Variants in BLOC1S5 observed in about 807,000 individuals in gnomAD.
The protein encoded by BLOC1S5 is biogenesis of lysosomal organelles complex 1 subunit 5, also known as biogenesis of lysosome-related organelles complex 1 subunit 5.
A neutral mutation model predicts 24.3 loss-of-function variants in BLOC1S5; 27 were observed. The observed-to-expected ratio is 1.11, with a 90% CI of 0.82 to 1.53. The LOEUF (loss-of-function observed/expected upper bound fraction) is 1.53, where lower values mean the gene tolerates loss of function less well. Ranked by LOEUF, BLOC1S5 falls within the 40% of genes most tolerant of loss-of-function variation. BLOC1S5 has a pLI of 0.00. For missense variants in BLOC1S5, 239 were observed against 229.4 expected (o/e 1.04, Z -0.27); for synonymous variants, 84 against 74.5 (o/e 1.13, Z -0.66).
chr6:8,042,321 A>T (rs1763721079), intron 2 of BLOC1S5, among the ~76,000 whole-genome samples: 2 of 152,244 alleles, frequency 1.3e-5, no homozygotes, highest in African/African-American at 4.8e-5. Flanking sequence ...CAAAATAAAA[A>T]TGGGTAGTAA....
chr6:8,031,191 C>T (rs1763283690), intron 3 of BLOC1S5, among the ~76,000 whole-genome samples: 1 of 152,150 alleles, frequency 6.6e-6, no homozygotes, highest in Non-Finnish European at 1.5e-5. Flanking sequence ...GTAAAATTGT[C>T]ACTAGTCACT....
chr6:8,017,441 C>T (rs1762783318), intron 4 of BLOC1S5, among the ~76,000 whole-genome samples: 1 of 151,936 alleles, frequency 6.6e-6, no homozygotes, highest in Non-Finnish European at 1.5e-5. Flanking sequence ...TTAATTTTGG[C>T]ATGTTAATTC....
intron 4 of BLOC1S5, among the ~76,000 whole-genome samples, chr6:8,024,282 T>C (rs1394457306): frequency 1.3e-5 from 2 of 151,922 alleles, no homozygotes; most frequent in African/African-American, 4.8e-5. Context: ...TCCCAGCACT[T>C]TGGGAGGCCG....
At chr6:8,039,497 A>G (rs79800185) in intron 3 of BLOC1S5, among the ~76,000 whole-genome samples, 5,947 of 152,278 alleles carry the variant, frequency 0.039, 369 homozygotes, top group African/African-American at 0.13. Context: ...GAATATGTGA[A>G]TTACACTAAT....
intron 4 of BLOC1S5, among the ~76,000 whole-genome samples, chr6:8,017,618 T>C (rs915084345): frequency 2.0e-5 from 3 of 152,206 alleles, no homozygotes; most frequent in Non-Finnish European, 4.4e-5. Context: ...ACAAACAGGA[T>C]GAAGGGCTGA....
At chr6:8,064,400 G>A (rs1422514109), upstream of BLOC1S5, 2 of 1,591,710 alleles carry the variant, frequency 1.3e-6, no homozygotes, top group Non-Finnish European at 1.7e-6. Flanking sequence ...GCCCACCCGC[G>A]GCCACGCTGC....
chr6:8,021,467 C>T (rs1007412821), intron 4 of BLOC1S5, among the ~76,000 whole-genome samples: 1 of 152,026 alleles, frequency 6.6e-6, no homozygotes, highest in African/African-American at 2.4e-5. Flanking sequence ...GGCATGATGG[C>T]GGGCACCTGT....
chr6:8,031,213 C>T (rs960767097), intron 3 of BLOC1S5, among the ~76,000 whole-genome samples: 4 of 152,078 alleles, frequency 2.6e-5, no homozygotes, highest in Non-Finnish European at 5.9e-5. Flanking sequence ...ATGATATTAT[C>T]GTATACCTAA....
At chr6:8,054,068 A>C (rs1764228521) in intron 2 of BLOC1S5, among the ~76,000 whole-genome samples, 1 of 152,194 alleles carries the variant, frequency 6.6e-6, no homozygotes. Flanking sequence ...TTATATGATA[A>C]CTTTGTATAT....
chr6:8,037,001 C>T (rs1027688616), intron 3 of BLOC1S5, among the ~76,000 whole-genome samples: 2 of 152,102 alleles, frequency 1.3e-5, no homozygotes, highest in African/African-American at 4.8e-5. Flanking sequence ...CTCAAAATAG[C>T]TGTGGGCAAA....
chr6:8,041,301 G>A (rs1763672595), intron 2 of BLOC1S5, 33 bp from the exon 3 acceptor site: 4 of 1,267,238 alleles, frequency 3.2e-6, no homozygotes, highest in Non-Finnish European at 4.3e-6. Flanking sequence ...TAATAAATAT[G>A]GTGTCTTTTC....
intron 1 of BLOC1S5, among the ~76,000 whole-genome samples, chr6:8,063,807 T>G (rs1315544633): frequency 1.3e-5 from 2 of 152,158 alleles, no homozygotes; most frequent in Non-Finnish European, 1.5e-5. Context: ...TTTACAGTGC[T>G]ATAGAGCGCC....
At chr6:8,026,282 G>A in intron 4 of BLOC1S5, 85 bp downstream of exon 4, 1 of 1,132,114 alleles carries the variant, frequency 8.8e-7, no homozygotes, top group Non-Finnish European at 1.3e-6. Context: ...TGCATTCAGA[G>A]AATTTTCTGA....
chr6:8,062,257 T>C (rs1764538396), intron 2 of BLOC1S5, among the ~76,000 whole-genome samples: 1 of 152,106 alleles, frequency 6.6e-6, no homozygotes, highest in Admixed American at 6.6e-5. Flanking sequence ...AAATCCCTTT[T>C]TTTCCCCCAC....
At chr6:8,021,282 A>G (rs1373831017) in intron 4 of BLOC1S5, among the ~76,000 whole-genome samples, 1 of 152,174 alleles carries the variant, frequency 6.6e-6, no homozygotes, top group Non-Finnish European at 1.5e-5. Flanking sequence ...TACTGGGTAC[A>G]GAGTTTCAGT....
chr6:8,040,683 C>G (rs1409444522), intron 3 of BLOC1S5, among the ~76,000 whole-genome samples: 1 of 152,050 alleles, frequency 6.6e-6, no homozygotes, highest in Non-Finnish European at 1.5e-5. Flanking sequence ...TGGTGAAACC[C>G]CATCTCTACT....
At chr6:8,049,234 G>T (rs991484462) in intron 2 of BLOC1S5, among the ~76,000 whole-genome samples, 3 of 151,990 alleles carry the variant, frequency 2.0e-5, no homozygotes, top group Non-Finnish European at 4.4e-5. Context: ...AGCCGGGCGT[G>T]GTGGCAGGCA....
intron 3 of BLOC1S5, among the ~76,000 whole-genome samples, chr6:8,037,885 G>C (rs1366392222): frequency 1.3e-5 from 2 of 152,130 alleles, no homozygotes; most frequent in Non-Finnish European, 2.9e-5. Context: ...GAAAGGACAG[G>C]CTCTTCGATA....
At chr6:8,057,487 T>C (rs1764355928) in intron 2 of BLOC1S5, among the ~76,000 whole-genome samples, 1 of 152,252 alleles carries the variant, frequency 6.6e-6, no homozygotes, top group Non-Finnish European at 1.5e-5. Context: ...GCTTGGTTTC[T>C]GATGTAATCT....
Sources: gnomAD v4.1 joint callset for allele counts (sites outside exome capture counted in the v4.1 genomes callset) on GRCh38, gnomAD v4.1.1 for gene constraint, MANE v1.5 for transcripts, NCBI Gene and HGNC (gene_info 2026-07-23, HGNC 2026-07-21) for gene names.